Variants in ARHGAP40 observed in about 807,000 individuals in gnomAD.
ARHGAP40 encodes rho GTPase-activating protein 40.
A neutral mutation model predicts 73.5 loss-of-function variants in ARHGAP40; 43 were observed. The ratio of observed to expected loss-of-function variants is 0.58; its 90% CI spans 0.46 to 0.75. ARHGAP40 has a LOEUF of 0.75. ARHGAP40 is among the 30% of genes least tolerant of loss of function. The pLI is 0.00. For missense variants in ARHGAP40, 734 were observed against 861.8 expected (o/e 0.85, Z 1.86); for synonymous variants, 300 against 352.8 (o/e 0.85, Z 1.68).
exon 14 of ARHGAP40, chr20:38,648,696 T>A (rs1395534072): frequency 7.7e-7 from 1 of 1,305,558 alleles, no homozygotes; most frequent in Non-Finnish European, 1.0e-6. Flanking sequence ...GGAGGGAATA[T>A]CAGTAAGTTC....
chr20:38,645,463 G>T (rs1057041617), intron 11 of ARHGAP40, among the ~76,000 whole-genome samples: 6 of 152,130 alleles, frequency 3.9e-5, no homozygotes, highest in Admixed American at 2.6e-4. Context: ...CATCACCCTC[G>T]CTCTTCCCCG....
intron 2 of ARHGAP40, among the ~76,000 whole-genome samples, chr20:38,624,209 C>T (rs755819758): frequency 6.6e-6 from 1 of 152,016 alleles, no homozygotes; most frequent in African/African-American, 2.4e-5. Context: ...GTGGATGTGA[C>T]CATCAGGGGG....
intron 1 of ARHGAP40, among the ~76,000 whole-genome samples, chr20:38,610,172 T>G (rs1003227816): frequency 7.2e-5 from 11 of 152,220 alleles, no homozygotes; most frequent in African/African-American, 2.4e-4. Context: ...GTTATGCATC[T>G]CTGTGTGTGT....
rs560150507 is a variant in ARHGAP40 at position 38,636,542 on chromosome 20, C to A, written c.950-1166C>A. 1.1e-4 allele frequency among the ~76,000 whole-genome samples: 16 copies of A among 152,236 alleles called. No homozygotes were observed. In the South Asian group the frequency reaches 3.3e-3, roughly 32 times the overall value. ...CCTCCCAAAGTGCTGGGGTTACAGG[C>A]ATGAGTCACCTTGCCTGGTGAAAAC... On this transcript the variant is annotated intron_variant, in intron 6 of 14. Transcript: ENST00000373345.
intron 7 of ARHGAP40, 36 bp downstream of exon 7, chr20:38,637,835 T>A: frequency 7.7e-7 from 1 of 1,291,140 alleles, no homozygotes; most frequent in Non-Finnish European, 1.0e-6. Flanking sequence ...GTTTATTTAA[T>A]CCTTCAGAGG....
At chr20:38,625,408 T>C (rs963605116) in intron 2 of ARHGAP40, among the ~76,000 whole-genome samples, 2 of 151,924 alleles carry the variant, frequency 1.3e-5, no homozygotes, top group African/African-American at 4.8e-5. Context: ...TTTTCCTTTC[T>C]TTTCTTTTTA....
intron 5 of ARHGAP40, among the ~76,000 whole-genome samples, chr20:38,631,990 G>A (rs1420398895): frequency 1.3e-5 from 2 of 151,914 alleles, no homozygotes; most frequent in African/African-American, 4.8e-5. Context: ...TTTTGAAACA[G>A]TCTCACTCTG....
chr20:38,607,223 C>T (rs1392011965), intron 1 of ARHGAP40, among the ~76,000 whole-genome samples: 1 of 152,178 alleles, frequency 6.6e-6, no homozygotes, highest in Admixed American at 6.5e-5. Context: ...GAAAAATTTG[C>T]ATTTGAGTCC....
chr20:38,629,404 C>T (rs2088923070), intron 4 of ARHGAP40, 98 bp from the exon 5 acceptor site: 1 of 1,201,676 alleles, frequency 8.3e-7, no homozygotes. Flanking sequence ...TGGGAGCTCA[C>T]TTCTTAGGAC....
intron 14 of ARHGAP40, among the ~76,000 whole-genome samples, chr20:38,649,542 C>G (rs947594028): frequency 1.1e-3 from 157 of 148,566 alleles, no homozygotes; most frequent in African/African-American, 3.7e-3. Context: ...AGTCATCGAC[C>G]GTGGGCTTCC....
intron 1 of ARHGAP40, among the ~76,000 whole-genome samples, chr20:38,603,366 A>G (rs1005611): frequency 0.65 from 99,486 of 151,984 alleles, 36,690 homozygotes; most frequent in East Asian, 0.86. Flanking sequence ...GGATTTTAAT[A>G]AGAATCAATT....
exon 11 of ARHGAP40, chr20:38,643,764 A>G: frequency 7.7e-7 from 1 of 1,305,886 alleles, no homozygotes; most frequent in Non-Finnish European, 1.0e-6. Context: ...GATGACTCTG[A>G]GGAATGTTTC....
Position 38,646,301 on chromosome 20 carries a change from C to T in ARHGAP40, c.1710+114C>T. The T allele has an allele frequency of 8.8e-7, 1 of 1,132,396 alleles. No homozygotes were observed. The highest frequency in any genetic ancestry group is 1.1e-6 in the Non-Finnish European group (1 of 896,394). 70.1% of individuals were successfully genotyped at this position (1,132,396 alleles called of 1,614,324 possible). A position where few individuals can be genotyped will look rare whatever the true frequency, so the allele number is the denominator to read the frequency against. The stretch of plus-strand genomic sequence containing the variant: ...CGCTACCGGGCTGCCAGCAACGGCC[C>T]AGTGAGGCCACCAGGGGGCGTTGCG... On this transcript the variant is annotated intron_variant, in intron 12 of 14. Coordinates refer to ENST00000373345, the Ensembl canonical transcript of ARHGAP40. The surrounding 1 kb of genome is among the most constrained non-coding windows in gnomAD (Gnocchi z 4.5).
intron 1 of ARHGAP40, among the ~76,000 whole-genome samples, chr20:38,616,039 C>CGG (rs1246267601): frequency 6.6e-6 from 1 of 152,142 alleles, no homozygotes; most frequent in Non-Finnish European, 1.5e-5. Flanking sequence ...TGTCCAGGGA[C>CGG]GGCTCTTCTC....
intron 1 of ARHGAP40, among the ~76,000 whole-genome samples, chr20:38,616,556 T>A (rs920313145): frequency 1.3e-5 from 2 of 152,210 alleles, no homozygotes; most frequent in Admixed American, 6.5e-5. Context: ...TATTACACAG[T>A]GGTTGAGAAC....
At chr20:38,636,539 A>G (rs1038557410) in intron 6 of ARHGAP40, among the ~76,000 whole-genome samples, 1 of 152,186 alleles carries the variant, frequency 6.6e-6, no homozygotes, top group African/African-American at 2.4e-5. Flanking sequence ...CTGGGGTTAC[A>G]GGCATGAGTC....
intron 1 of ARHGAP40, chr20:38,615,011 G>T: frequency 8.5e-7 from 1 of 1,172,856 alleles, no homozygotes; most frequent in Non-Finnish European, 1.3e-6. Context: ...CGCTGGGGTT[G>T]ATCTCCATCA....
chr20:38,614,201 G>A (rs1023390153), intron 1 of ARHGAP40, among the ~76,000 whole-genome samples: 1 of 152,190 alleles, frequency 6.6e-6, no homozygotes, highest in Non-Finnish European at 1.5e-5. Flanking sequence ...TAGGCATGAA[G>A]AATCCAGACC....
At chr20:38,609,260 G>GCTTA (rs2145593299) in intron 1 of ARHGAP40, among the ~76,000 whole-genome samples, 1 of 152,236 alleles carries the variant, frequency 6.6e-6, no homozygotes, top group South Asian at 2.1e-4. Context: ...CCAACCTGGG[G>GCTTA]CTTAGATCAG....
Sources: gnomAD v4.1 joint callset for allele counts (sites outside exome capture counted in the v4.1 genomes callset) on GRCh38, gnomAD v4.1.1 for gene constraint, Gnocchi (gnomAD v3.1) non-coding constraint, MANE v1.5 for transcripts, NCBI Gene and HGNC (gene_info 2026-07-23, HGNC 2026-07-21) for gene names.